Variants in DOCK6 observed in about 807,000 individuals in gnomAD.
DOCK6 encodes dedicator of cytokinesis protein 6.
Under a neutral mutation model 230.3 loss-of-function variants are expected in DOCK6, and 167 were observed. That is an observed-to-expected ratio of 0.73 (90% CI 0.64 to 0.82). The LOEUF is 0.82. Among genes scored for constraint, DOCK6 ranks in the 40% least tolerant of loss-of-function variants. The pLI, the probability that DOCK6 is intolerant of heterozygous loss-of-function variation, is 0.00. For missense variants in DOCK6, 2,598 were observed against 2,825.8 expected, an observed-to-expected ratio of 0.92 and a Z score of 1.83; for synonymous variants, 1,148 against 1,185.0, an observed-to-expected ratio of 0.97 and a Z score of 0.64.
chr19:11,223,177 G>A, intron 24 of DOCK6, 71 bp from the exon 25 acceptor site: 3 of 1,382,704 alleles, frequency 2.2e-6, no homozygotes, highest in Non-Finnish European at 3.0e-6. Context: ...CTCTCACCAA[G>A]ATCATCTGCC....
chr19:11,216,849 A>G, intron 30 of DOCK6, 65 bp downstream of exon 30: 1 of 1,549,888 alleles, frequency 6.5e-7, no homozygotes, highest in Non-Finnish European at 8.9e-7. Flanking sequence ...AGCCCGCAGC[A>G]CGCTGGGTCC....
chr19:11,227,576 G>A, intron 23 of DOCK6, 99 bp from the exon 24 acceptor site: 2 of 1,425,322 alleles, frequency 1.4e-6, no homozygotes, highest in Non-Finnish European at 1.9e-6. Context: ...GGTGGGGCTT[G>A]AAGGACTGTG....
intron 1 of DOCK6, among the ~76,000 whole-genome samples, chr19:11,260,882 C>CAAAAAAAAAAAAAAAAAAAAAAAAAAAA (rs59900669): frequency 3.2e-5 from 2 of 61,766 alleles, no homozygotes; most frequent in African/African-American, 1.4e-4. Context: ...GACTCTGTCT[C>CAAAAAAAAAAAAAAAAAAAAAAAAAAAA]AAAAAAAAAA....
At chr19:11,251,208 A>C in intron 5 of DOCK6, 122 bp from the exon 6 acceptor site, 1 of 1,026,732 alleles carries the variant, frequency 9.7e-7, no homozygotes, top group Non-Finnish European at 1.4e-6. Context: ...GGTGAGGGTC[A>C]TCACTCTAAG....
chr19:11,224,412 T>C (rs2079632247), intron 24 of DOCK6, among the ~76,000 whole-genome samples: 1 of 151,924 alleles, frequency 6.6e-6, no homozygotes, highest in Admixed American at 6.6e-5. Flanking sequence ...GGTTTCACCA[T>C]GTTGGTAAGG....
rs1200768016 is a variant in DOCK6, at chr19:11,200,249, C to G, written c.6101+59G>C. ...ACAACAGCCCCCATCCTGTACCTGT[C>G]CTGGTCTGCCTCTGCATCCCCTCTC... On this transcript the variant is annotated intron_variant, in intron 47 of 47. Transcript: ENST00000294618. This position sits in a 1 kb window ranked among gnomAD's most constrained non-coding sequence, Gnocchi z 4.3. The G allele has an allele frequency of 6.6e-7, 1 of 1,519,192 alleles. No homozygotes were observed. Among genetic ancestry groups the G allele is most frequent in the Non-Finnish European group, 8.9e-7 (1 of 1,128,460 alleles). The allele number at this position is 1,519,192 out of a possible 1,614,324, so 94.1% of individuals were successfully genotyped here. A position where few individuals can be genotyped will look rare whatever the true frequency, so the allele number is the denominator to read the frequency against.
At chr19:11,240,303 A>G in intron 14 of DOCK6, 1 of 1,560,026 alleles carries the variant, frequency 6.4e-7, no homozygotes, top group Non-Finnish European at 8.7e-7. Flanking sequence ...AAAGGTAAGG[A>G]GCTCCCCCAA....
chr19:11,227,588 G>C (rs1305718051), intron 23 of DOCK6, 111 bp from the exon 24 acceptor site: 3 of 1,370,370 alleles, frequency 2.2e-6, no homozygotes, highest in South Asian at 2.8e-5. Context: ...AGGACTGTGG[G>C]TGGGGCTTGA....
In DOCK6 at chr19:11,208,942, C is replaced by T. The variant is rs766688657; in HGVS notation, c.4913G>A (p.Arg1638His). The T allele has an allele frequency of 2.8e-5, 44 of 1,597,248 alleles. No homozygotes were observed. The highest frequency in any genetic ancestry group is 1.6e-4 in the East Asian group (7 of 44,448). The change falls in exon 38 of 48, where the codon CGC (arginine) becomes CAC (histidine). Residue 1638 changes from arginine to histidine, a missense_variant. Coordinates refer to ENST00000294618, the MANE Select transcript of DOCK6 (RefSeq NM_020812.4). Reference sequence around the variant, plus strand: ...GGAAACGCAGCCCACGGGCAGGTGGCGGTGGTCCTCGAGCAGGGCGAGGTA... The same window carrying T: ...GGAAACGCAGCCCACGGGCAGGTGGTGGTGGTCCTCGAGCAGGGCGAGGTA... ...AEYLALLEDHRHLPVGCVSFQ... is the reference protein window; with the variant it reads ...AEYLALLEDHHHLPVGCVSFQ...
chr19:11,204,346 G>A lies in DOCK6; in HGVS notation c.5089-15C>T. On this transcript the variant is annotated splice_polypyrimidine_tract_variant and intron_variant, in intron 39 of 47. Transcript: ENST00000294618. ...TAGAGCCCGCCCTGAGGGTGAGGTG[G>A]GGTCAGGATTCCCCAAACTGTCTTC... 1 of 1,608,252 alleles carries A rather than the reference G, an allele frequency of 6.2e-7. No individual in the cohort carries two copies. The highest frequency in any genetic ancestry group is 1.1e-5 in the South Asian group (1 of 90,770).
At position 11,222,143 on chromosome 19, in the gene DOCK6, C is replaced by T; in HGVS notation, c.3346G>A (p.Glu1116Lys). ...QHFLAGLLLT[E>K]LALALEPEAE... ...TCAGGTTCGAGGGCCAGTGCCAGCT[C>T]CGTCAGCAGGAGCCCAGCTAGGAAG... The change falls in exon 27 of 48, where the codon GAG becomes AAG. Residue 1116 changes from glutamate (E) to lysine (K), a missense_variant. Glu to Lys is a moderately conservative substitution (Grantham distance 56). Transcript: ENST00000294618. This position sits in a 1 kb window ranked among gnomAD's most constrained non-coding sequence, Gnocchi z 4.0. 6.2e-7 allele frequency: 1 copy of T among 1,612,890 alleles called. No individual in the cohort carries two copies. Among genetic ancestry groups the T allele is most frequent in the Non-Finnish European group, 8.5e-7 (1 of 1,179,500 alleles).
intron 13 of DOCK6, 29 bp from the exon 14 acceptor site, chr19:11,242,236 G>C (rs1386295951): frequency 1.4e-6 from 2 of 1,425,958 alleles, no homozygotes; most frequent in Non-Finnish European, 1.8e-6. Flanking sequence ...GTTTGCACCT[G>C]CCTGGGAGCC....
intron 28 of DOCK6, among the ~76,000 whole-genome samples, chr19:11,219,975 CAG>C (rs1362280612): frequency 6.6e-6 from 1 of 150,570 alleles, no homozygotes; most frequent in Non-Finnish European, 1.5e-5. Context: ...TTTTTTGAGA[CAG>C]AGTTTTGCTC....
At position 11,200,511 on chromosome 19, in the gene DOCK6, G is replaced by T. The variant is rs1199061347; in HGVS notation, c.5940-42C>A. On this transcript the variant is annotated intron_variant, in intron 46 of 47. Transcript: ENST00000294618. The surrounding 1 kb of genome is among the most constrained non-coding windows in gnomAD (Gnocchi z 4.3). ...GGGAGATGCTCAGAGACTCGCACACGGGACTGAAAGCAAGACTAGGGGTGG... is the reference window on the plus strand; with the variant it reads ...GGGAGATGCTCAGAGACTCGCACACTGGACTGAAAGCAAGACTAGGGGTGG... 4 of 1,592,324 alleles carry T rather than the reference G, an allele frequency of 2.5e-6. No individual in the cohort carries two copies. The highest frequency in any genetic ancestry group is 3.4e-6 in the Non-Finnish European group (4 of 1,169,858).
At chr19:11,241,749 GC>G in intron 14 of DOCK6, 1 of 1,553,806 alleles carries the variant, frequency 6.4e-7, no homozygotes. Context: ...GCCCCGTGAG[GC>G]CCCTGTGCAG....
Position 11,248,290 on chromosome 19 carries a change from G to A in DOCK6, c.721-139C>T, listed in dbSNP as rs72996217. The A allele has an allele frequency of 0.17, 103,513 of 626,622 alleles. 10,122 individuals carry two copies. The highest frequency in any genetic ancestry group is 0.33 in the African/African-American group (17,972 of 54,568). The allele number at this position is 626,622 out of a possible 1,614,324, so 38.8% of individuals were successfully genotyped here. A position where few individuals can be genotyped will look rare whatever the true frequency, so the allele number is the denominator to read the frequency against. Reference sequence around the variant, plus strand: ...CATCCCTGCCTCTGAGCCTTTACACGTGCTGTTCCCCTGCCTGGAATGCCC... The same window carrying A: ...CATCCCTGCCTCTGAGCCTTTACACATGCTGTTCCCCTGCCTGGAATGCCC... On this transcript the variant is annotated intron_variant, in intron 6 of 47. Coordinates refer to ENST00000294618, the MANE Select transcript of DOCK6 (RefSeq NM_020812.4).
chr19:11,237,561 G>A lies in DOCK6; in HGVS notation c.1972-4C>T. The A allele has an allele frequency of 6.2e-7, 1 of 1,612,494 alleles. No homozygotes were observed. Among genetic ancestry groups the A allele is most frequent in the Non-Finnish European group, 8.5e-7 (1 of 1,179,580 alleles). On this transcript the variant is annotated splice_polypyrimidine_tract_variant and splice_region_variant and intron_variant, in intron 17 of 47. Transcript: ENST00000294618. The stretch of plus-strand genomic sequence containing the variant: ...CGTGCTGCAGCAGTGGGATCCACTG[G>A]GGAGAGGCTGGAGGTCAGGTCTGCG...
In DOCK6 at chr19:11,245,552, C is replaced by T. The variant is rs576945879; in HGVS notation, c.1023+11G>A. 12 of 1,552,802 alleles carry T rather than the reference C, an allele frequency of 7.7e-6. No homozygotes were observed. The highest frequency in any genetic ancestry group is 1.2e-5 in the South Asian group (1 of 84,212). Reference sequence around the variant, plus strand: ...GCCATTACCACCCCCTTGCCCAGCCCCAGCAGGCACCTTGATGACCAGGAA... The same window carrying T: ...GCCATTACCACCCCCTTGCCCAGCCTCAGCAGGCACCTTGATGACCAGGAA... On this transcript the variant is annotated intron_variant, in intron 9 of 47. Transcript: ENST00000294618.
At chr19:11,218,974 G>T (rs1322638440) in intron 28 of DOCK6, among the ~76,000 whole-genome samples, 1 of 146,080 alleles carries the variant, frequency 6.8e-6, no homozygotes, top group Admixed American at 7.0e-5. Flanking sequence ...CGCCTCCCAG[G>T]TTCTAGTGAT....
Sources: allele counts gnomAD v4.1 joint callset (sites outside exome capture counted in the v4.1 genomes callset), GRCh38; gene constraint gnomAD v4.1.1; non-coding constraint Gnocchi (gnomAD v3.1); transcripts MANE v1.5; gene names NCBI Gene and HGNC (gene_info 2026-07-23, HGNC 2026-07-21).